TAOK3: variants seen among roughly 807,000 people sequenced by gnomAD.
TAOK3 encodes TAO kinase 3.
TAOK3 carries 40 observed loss-of-function variants against 120.4 expected under a neutral mutation model. That is an observed-to-expected ratio of 0.33 (90% confidence interval 0.26 to 0.43). The LOEUF (loss-of-function observed/expected upper bound fraction) is 0.43, where lower values mean the gene tolerates loss of function less well. Among genes scored for constraint, TAOK3 ranks in the 20% least tolerant of loss-of-function variants. TAOK3 has a pLI of 1.00. For missense variants in TAOK3, 821 were observed against 1,112.1 expected, an observed-to-expected ratio of 0.74 and a Z score of 3.72; for synonymous variants, 355 against 387.5, an observed-to-expected ratio of 0.92 and a Z score of 0.99.
At chr12:118,185,242 G>A (rs575321533) in intron 14 of TAOK3, among the ~76,000 whole-genome samples, 2 of 152,180 alleles carry the variant, frequency 1.3e-5, no homozygotes, top group East Asian at 1.9e-4. Flanking sequence ...TGAAAAGGAA[G>A]ACCAAAACTT....
At chr12:118,194,549 T>C (rs989455720) in intron 13 of TAOK3, among the ~76,000 whole-genome samples, 2 of 150,108 alleles carry the variant, frequency 1.3e-5, no homozygotes, top group South Asian at 4.2e-4. Context: ...GCAAAAATAA[T>C]AGGAAAGGCC....
chr12:118,363,192 T>C (rs1195291890), intron 1 of TAOK3, among the ~76,000 whole-genome samples: 1 of 152,026 alleles, frequency 6.6e-6, no homozygotes, highest in Non-Finnish European at 1.5e-5. Context: ...CATACAAGTA[T>C]CCATATACTT....
intron 15 of TAOK3, among the ~76,000 whole-genome samples, chr12:118,179,154 GA>G (rs989133180): frequency 4.6e-5 from 7 of 152,218 alleles, no homozygotes; most frequent in African/African-American, 1.7e-4. Flanking sequence ...GCTGTTGGGG[GA>G]AATCTTTCTT....
chr12:118,217,509 A>G (rs1433449486), intron 9 of TAOK3, among the ~76,000 whole-genome samples: 3 of 151,678 alleles, frequency 2.0e-5, no homozygotes, highest in Non-Finnish European at 2.9e-5. Context: ...AACATGGTAA[A>G]ACCCTGTCTC....
Position 118,212,961 on chromosome 12 carries a change from A to G in TAOK3, c.772T>C (p.Leu258=), listed in dbSNP as rs149276018. The change falls in exon 11 of 21, where the codon TTG becomes CTG. Residue 258 remains leucine, a synonymous_variant. Transcript: ENST00000392533. ...DSFRRFVDYC[L]QKIPQERPTS... ...GGCCTTTCCTGAGGTATTTTCTGCAAGCAGTAATCAACAAATCTCCTAAAG... is the reference window on the plus strand; with the variant it reads ...GGCCTTTCCTGAGGTATTTTCTGCAGGCAGTAATCAACAAATCTCCTAAAG... 365 of 1,612,954 alleles carry G rather than the reference A, an allele frequency of 2.3e-4. 2 individuals carry two copies. Among genetic ancestry groups the G allele is most frequent in the Non-Finnish European group, 2.5e-4 (291 of 1,179,704 alleles).
At chr12:118,213,224 T>A (rs1208710368) in intron 10 of TAOK3, among the ~76,000 whole-genome samples, 1 of 152,222 alleles carries the variant, frequency 6.6e-6, no homozygotes, top group Non-Finnish European at 1.5e-5. Flanking sequence ...CATCTTAATA[T>A]ATAAGGAAGG....
chr12:118,255,081 T>C (rs1370411143), intron 3 of TAOK3, among the ~76,000 whole-genome samples: 2 of 151,796 alleles, frequency 1.3e-5, no homozygotes, highest in African/African-American at 4.8e-5. Context: ...AACTTTCTTA[T>C]ACTACTTTAA....
chr12:118,217,827 A>G (rs1252313243), intron 9 of TAOK3, among the ~76,000 whole-genome samples: 11,609 of 87,116 alleles, frequency 0.13, 1,697 homozygotes, highest in Non-Finnish European at 0.16. Flanking sequence ...ATATATATAT[A>G]TATATATATA....
chr12:118,251,953 C>A (rs2040773405), intron 3 of TAOK3, among the ~76,000 whole-genome samples: 1 of 152,064 alleles, frequency 6.6e-6, no homozygotes, highest in Non-Finnish European at 1.5e-5. Context: ...TCCCCAGTAG[C>A]TGGGACTACA....
At chr12:118,296,869 A>G (rs1404290461) in intron 1 of TAOK3, 1 of 152,232 alleles carries the variant, frequency 6.6e-6, no homozygotes, top group African/African-American at 2.4e-5. Context: ...CAACCATATT[A>G]TAAGAGACAA....
In TAOK3 at chr12:118,244,529, TTTTC is replaced by T. The variant is rs1260521834; in HGVS notation, c.192+361_192+364del. 5.4e-5 allele frequency among the ~76,000 whole-genome samples: 7 copies of T among 129,756 alleles called. 1 individual carries two copies. The highest frequency in any genetic ancestry group is 5.7e-5 in the African/African-American group (2 of 35,284). 85.1% of individuals were successfully genotyped at this position (129,756 alleles called of 152,430 possible). A position where few individuals can be genotyped will look rare whatever the true frequency, so the allele number is the denominator to read the frequency against. ...AGAATTTTGTTAATTTCTTTTTTCT[TTTTC>T]TTTTTTTTTTTTTGAGACAGAGCCT... On this transcript the variant is annotated intron_variant, in intron 4 of 20. Coordinates refer to ENST00000392533, the MANE Select transcript of TAOK3 (RefSeq NM_016281.4).
At chr12:118,154,441 G>C (rs558025394) in intron 19 of TAOK3, among the ~76,000 whole-genome samples, 1 of 152,178 alleles carries the variant, frequency 6.6e-6, no homozygotes, top group East Asian at 1.9e-4. Flanking sequence ...CCATTAAAAA[G>C]TTGTTTTTTC....
chr12:118,355,227 T>C (rs1336843138), intron 1 of TAOK3, among the ~76,000 whole-genome samples: 1 of 152,228 alleles, frequency 6.6e-6, no homozygotes, highest in African/African-American at 2.4e-5. Context: ...ATCTATGTTC[T>C]ATTGTCACCA....
intron 13 of TAOK3, among the ~76,000 whole-genome samples, chr12:118,193,616 T>G (rs575331482): frequency 9.2e-5 from 14 of 152,178 alleles, no homozygotes; most frequent in African/African-American, 3.1e-4. Context: ...TTTCTAAATA[T>G]ATTTTCTTCC....
At chr12:118,333,400 G>C (rs542370588) in intron 1 of TAOK3, among the ~76,000 whole-genome samples, 3 of 152,226 alleles carry the variant, frequency 2.0e-5, no homozygotes, top group Admixed American at 2.0e-4. Context: ...TAAAAAAGAA[G>C]TTTCAAAGGA....
chr12:118,369,825 T>C (rs1446367114), intron 1 of TAOK3, among the ~76,000 whole-genome samples: 1 of 152,200 alleles, frequency 6.6e-6, no homozygotes, highest in Non-Finnish European at 1.5e-5. Context: ...GCTGTTGTTG[T>C]TTCTCTCATC....
chr12:118,270,047 T>C (rs948813339), intron 1 of TAOK3, among the ~76,000 whole-genome samples: 1 of 152,216 alleles, frequency 6.6e-6, no homozygotes, highest in African/African-American at 2.4e-5. Flanking sequence ...AAGTCCTCTG[T>C]GTGACTGCAA....
intron 11 of TAOK3, among the ~76,000 whole-genome samples, chr12:118,212,394 G>A (rs1371179268): frequency 2.6e-5 from 4 of 152,180 alleles, no homozygotes; most frequent in Admixed American, 2.6e-4. Context: ...GAGATGCTTG[G>A]TGATAATTAA....
chr12:118,182,623 A>ATATATATATTTTTTT (rs371125415), intron 14 of TAOK3, among the ~76,000 whole-genome samples: 1 of 92,416 alleles, frequency 1.1e-5, no homozygotes, highest in African/African-American at 4.9e-5. Context: ...ATATATATAT[A>ATATATATATTTTTTT]TTTTTTTTTT....
Sources: gnomAD v4.1 joint callset for allele counts (sites outside exome capture counted in the v4.1 genomes callset) on GRCh38, gnomAD v4.1.1 for gene constraint, MANE v1.5 for transcripts, NCBI Gene and HGNC (gene_info 2026-07-23, HGNC 2026-07-21) for gene names.